The following RTN4 variants were observed in gnomAD, a reference collection of about 807,000 sequenced individuals.
RTN4 encodes reticulon-4.
RTN4 carries 32 observed loss-of-function variants against 90.4 expected under a neutral mutation model. The ratio of observed to expected loss-of-function variants is 0.35; its 90% CI spans 0.27 to 0.48. The LOEUF is 0.48. Ranked by LOEUF, RTN4 falls within the 20% of genes least tolerant of loss-of-function variation. The probability of loss-of-function intolerance (pLI) is 0.99; values close to 1 mark genes in which losing one functional copy is unlikely to be tolerated. For missense variants in RTN4, 1,706 were observed against 1,430.2 expected, an observed-to-expected ratio of 1.19 and a Z score of -3.11; for synonymous variants, 629 against 552.5, an observed-to-expected ratio of 1.14 and a Z score of -1.94.
intron 5 of RTN4, among the ~76,000 whole-genome samples, chr2:54,979,359 G>C (rs992191630): frequency 6.6e-6 from 1 of 152,082 alleles, no homozygotes; most frequent in Non-Finnish European, 1.5e-5. Flanking sequence ...TGCATGGCCA[G>C]GAAAACCTTC....
intron 1 of RTN4, among the ~76,000 whole-genome samples, chr2:55,103,188 C>T (rs1667884936): frequency 6.6e-6 from 1 of 151,210 alleles, no homozygotes; most frequent in South Asian, 2.1e-4. Flanking sequence ...AAAGGATGCA[C>T]CTGGAGAACA....
At position 55,068,837 on chromosome 2, in the gene RTN4, A is replaced by G. The variant is rs557968007; in HGVS notation, c.-63+11652T>C. Among the ~76,000 whole-genome samples the G allele has an allele frequency of 2.6e-5, 4 of 152,360 alleles. No individual in the cohort carries two copies. The South Asian group carries it at 8.3e-4, about 32-fold the overall frequency. ...GTTAAAAAATGGGCACTCAAGGGTC[A>G]AGATTTAATTAATACTTTTTACTAC... On this transcript the variant is annotated intron_variant, in intron 2 of 3. Coordinates refer to the RTN4 transcript ENST00000427710.
chr2:55,124,195 G>T, the RTN4 span, among the ~76,000 whole-genome samples: 2 of 152,236 alleles, frequency 1.3e-5, no homozygotes, highest in East Asian at 1.9e-4. Context: ...TTCTTTTGGG[G>T]ACACACCACG....
rs183710910 is a variant in RTN4 at position 55,094,613 on chromosome 2, A to T, written c.-213-13974T>A. Among the ~76,000 whole-genome samples the T allele has an allele frequency of 2.0e-5, 3 of 152,292 alleles. No individual in the cohort carries two copies. In the East Asian group the frequency reaches 5.8e-4, roughly 29 times the overall value. On this transcript the variant is annotated intron_variant, in intron 1 of 3. Coordinates refer to the RTN4 transcript ENST00000427710. ...AAGAGCCATGAACAAAACACAACAG[A>T]GCCATGCTATGTGGAGTGACTGGGG... is the stretch of plus-strand genomic sequence containing the variant.
chr2:54,975,392 A>G (rs1677539286), intron 5 of RTN4, among the ~76,000 whole-genome samples: 1 of 152,192 alleles, frequency 6.6e-6, no homozygotes, highest in Non-Finnish European at 1.5e-5. Context: ...GTAGGTAACA[A>G]ACATGATGCC....
intron 3 of RTN4, among the ~76,000 whole-genome samples, chr2:55,013,008 A>T (rs533239667): frequency 6.6e-6 from 1 of 152,288 alleles, no homozygotes; most frequent in South Asian, 2.1e-4. Context: ...TCTTTTGAGG[A>T]CAATTTTCAA....
At chr2:55,124,619 T>A in the RTN4 span, among the ~76,000 whole-genome samples, 3 of 152,122 alleles carry the variant, frequency 2.0e-5, no homozygotes, top group East Asian at 5.8e-4. Flanking sequence ...AGAATCAGTA[T>A]CATTAAAATG....
intron 3 of RTN4, among the ~76,000 whole-genome samples, chr2:55,021,258 TACACAG>T (rs1681409420): frequency 6.6e-6 from 1 of 152,134 alleles, no homozygotes; most frequent in South Asian, 2.1e-4. Flanking sequence ...TTCACGAAGA[TACACAG>T]GTAAGTACCT....
intron 3 of RTN4, chr2:55,010,134 C>T (rs202029099): frequency 5.6e-6 from 9 of 1,613,328 alleles, no homozygotes; most frequent in Non-Finnish European, 6.8e-6. Context: ...TTGTCACGAT[C>T]TGCTTTGCAG....
chr2:54,982,421 C>T (rs2104644380), intron 5 of RTN4, 94 bp downstream of exon 5: 1 of 1,038,778 alleles, frequency 9.6e-7, no homozygotes, highest in Non-Finnish European at 1.4e-6. Flanking sequence ...TAATATTTAT[C>T]ATTTACTTGA....
At chr2:55,122,989 A>T in the RTN4 span, among the ~76,000 whole-genome samples, 56 of 152,384 alleles carry the variant, frequency 3.7e-4, no homozygotes, top group Middle Eastern at 0.014. Context: ...AATTCTCCAA[A>T]GAGTTTGGAA....
chr2:55,061,893 C>T (rs1668300605), intron 2 of RTN4, among the ~76,000 whole-genome samples: 1 of 152,102 alleles, frequency 6.6e-6, no homozygotes, highest in African/African-American at 2.4e-5. Flanking sequence ...GCCTGCCACG[C>T]CCCCATCCTG....
chr2:55,053,243 A>T (rs548565819), upstream of RTN4, among the ~76,000 whole-genome samples: 50 of 152,358 alleles, frequency 3.3e-4, no homozygotes, highest in South Asian at 0.01. Flanking sequence ...CACAATTAAA[A>T]GTAAAGCTAG....
the RTN4 span, among the ~76,000 whole-genome samples, chr2:55,136,785 T>C: frequency 6.6e-6 from 1 of 152,250 alleles, no homozygotes; most frequent in Non-Finnish European, 1.5e-5. Context: ...ATTATTTCTA[T>C]TGGACAGTGC....
At chr2:54,981,092 C>A (rs182817750) in intron 5 of RTN4, among the ~76,000 whole-genome samples, 15 of 152,038 alleles carry the variant, frequency 9.9e-5, no homozygotes, top group African/African-American at 3.6e-4. Flanking sequence ...CCACTCTATA[C>A]GAAAGAGGTA....
At chr2:55,106,833 T>C (rs79016785) in intron 1 of RTN4, among the ~76,000 whole-genome samples, 2,107 of 152,310 alleles carry the variant, frequency 0.014, 38 homozygotes, top group Non-Finnish European at 0.017. Flanking sequence ...TTGAACATTT[T>C]AACAAATATT....
chr2:55,050,383 G>A lies in RTN4; in HGVS notation c.-83C>T. 1 of 872,026 alleles carries A rather than the reference G, an allele frequency of 1.1e-6. No homozygotes were observed. The highest frequency in any genetic ancestry group is 3.1e-5 in the East Asian group (1 of 32,596). 54.0% of individuals were successfully genotyped at this position (872,026 alleles called of 1,614,324 possible). A position where few individuals can be genotyped will look rare whatever the true frequency, so the allele number is the denominator to read the frequency against. On this transcript the variant is annotated 5_prime_UTR_variant, in exon 1 of 9. Coordinates refer to ENST00000337526, the MANE Select transcript of RTN4 (RefSeq NM_020532.5). This position sits in a 1 kb window ranked among gnomAD's most constrained non-coding sequence, Gnocchi z 4.6. The stretch of plus-strand genomic sequence containing the variant: ...AGAGCCGCGGGCGGTTGTGGGGGTT[G>A]GGGAGGACTGAGAGGGGCTGGGCCG...
At chr2:55,083,100 A>G (rs939277237) in intron 1 of RTN4, among the ~76,000 whole-genome samples, 2 of 152,278 alleles carry the variant, frequency 1.3e-5, no homozygotes, top group Non-Finnish European at 1.5e-5. Context: ...GAATGAGTAC[A>G]TAAGTTAATA....
chr2:55,085,215 T>C (rs995420936), intron 1 of RTN4, among the ~76,000 whole-genome samples: 1 of 152,216 alleles, frequency 6.6e-6, no homozygotes, highest in African/African-American at 2.4e-5. Context: ...TAACAGGAGA[T>C]ATATACACAC....
Sources: allele counts gnomAD v4.1 joint callset (sites outside exome capture counted in the v4.1 genomes callset), GRCh38; gene constraint gnomAD v4.1.1; non-coding constraint Gnocchi (gnomAD v3.1); transcripts MANE v1.5; gene names NCBI Gene and HGNC (gene_info 2026-07-23, HGNC 2026-07-21).